The following TMEM135 variants were observed in gnomAD, a reference collection of about 807,000 sequenced individuals.
The protein encoded by TMEM135 is peroxisomal membrane protein 52.
In TMEM135, 30 loss-of-function variants were observed where a neutral mutation model predicts 60.3. That is an observed-to-expected ratio of 0.50 (90% CI 0.37 to 0.68). The LOEUF (loss-of-function observed/expected upper bound fraction) is 0.68. Among genes scored for constraint, TMEM135 ranks in the 30% least tolerant of loss-of-function variants. TMEM135 has a pLI of 0.00. For missense variants in TMEM135, 468 were observed against 548.8 expected (o/e 0.85, Z 1.47); for synonymous variants, 190 against 186.7 (o/e 1.02, Z -0.14).
At chr11:87,168,277 C>T (rs1296793460) in intron 5 of TMEM135, among the ~76,000 whole-genome samples, 10 of 151,850 alleles carry the variant, frequency 6.6e-5, no homozygotes, top group Admixed American at 1.3e-4. Flanking sequence ...ATTGATTTTT[C>T]GAAGGGTTTT....
intron 4 of TMEM135, among the ~76,000 whole-genome samples, chr11:87,114,583 C>A (rs528038464): frequency 6.6e-6 from 1 of 152,274 alleles, no homozygotes; most frequent in East Asian, 1.9e-4. Context: ...CCTGTCATTA[C>A]ACTGATGTTC....
chr11:87,152,476 C>T (rs1455433194), intron 4 of TMEM135, among the ~76,000 whole-genome samples: 2 of 152,092 alleles, frequency 1.3e-5, no homozygotes, highest in Non-Finnish European at 2.9e-5. Context: ...TTTTTTGAGA[C>T]GGATTTTCAC....
chr11:87,300,502 A>G (rs145221054), intron 7 of TMEM135, among the ~76,000 whole-genome samples: 23 of 152,298 alleles, frequency 1.5e-4, no homozygotes, highest in Middle Eastern at 3.4e-3. Flanking sequence ...TGTGGACAAG[A>G]TACTTAACCA....
chr11:87,065,799 G>T (rs1056432212), intron 1 of TMEM135, among the ~76,000 whole-genome samples: 1 of 152,104 alleles, frequency 6.6e-6, no homozygotes, highest in African/African-American at 2.4e-5. Context: ...GTAGTTTTAT[G>T]TTTCACATTT....
intron 3 of TMEM135, among the ~76,000 whole-genome samples, chr11:87,074,218 A>G (rs866238547): frequency 6.6e-6 from 1 of 152,162 alleles, no homozygotes; most frequent in South Asian, 2.1e-4. Flanking sequence ...AGCCTGCCTC[A>G]GCCCCCCAAA....
chr11:87,275,133 C>T (rs1941945148), intron 6 of TMEM135, among the ~76,000 whole-genome samples: 1 of 151,960 alleles, frequency 6.6e-6, no homozygotes, highest in African/African-American at 2.4e-5. Flanking sequence ...GTTACTATGA[C>T]ATTTGGCAAT....
At chr11:87,255,901 T>A (rs746603740) in intron 6 of TMEM135, among the ~76,000 whole-genome samples, 10 of 152,186 alleles carry the variant, frequency 6.6e-5, no homozygotes, top group Non-Finnish European at 1.2e-4. Context: ...TTTGTGTGTA[T>A]CTTCAATGTA....
At chr11:87,320,514 T>C (rs1162050625) in intron 14 of TMEM135, among the ~76,000 whole-genome samples, 3 of 152,192 alleles carry the variant, frequency 2.0e-5, no homozygotes, top group African/African-American at 7.2e-5. Context: ...GATTCAAAAC[T>C]AATTTCATTC....
chr11:87,269,496 T>G, intron 6 of TMEM135, among the ~76,000 whole-genome samples: 1 of 145,152 alleles, frequency 6.9e-6, no homozygotes, highest in African/African-American at 2.5e-5. Flanking sequence ...CCCTCCCCCC[T>G]CCTCCCACCC....
chr11:87,312,195 C>T (rs1942650987), intron 10 of TMEM135, among the ~76,000 whole-genome samples: 2 of 145,314 alleles, frequency 1.4e-5, no homozygotes, highest in Admixed American at 1.4e-4. Flanking sequence ...CTTTTTCAGC[C>T]TTCTGGATTG....
intron 6 of TMEM135, among the ~76,000 whole-genome samples, chr11:87,249,275 A>C (rs935367127): frequency 2.0e-5 from 3 of 152,042 alleles, no homozygotes; most frequent in Non-Finnish European, 4.4e-5. Flanking sequence ...TTTGATACCC[A>C]GGTTTTTGAG....
intron 4 of TMEM135, among the ~76,000 whole-genome samples, chr11:87,134,132 C>T (rs1938019692): frequency 6.6e-6 from 1 of 152,016 alleles, no homozygotes; most frequent in Admixed American, 6.6e-5. Flanking sequence ...AGTTCTAGAT[C>T]TAGAAGTCTG....
intron 7 of TMEM135, among the ~76,000 whole-genome samples, chr11:87,298,603 C>T (rs1393956882): frequency 6.8e-6 from 1 of 147,668 alleles, no homozygotes; most frequent in Non-Finnish European, 1.5e-5. Context: ...GCCTGGCCAA[C>T]ATGGTGAAAC....
chr11:87,188,366 C>A (rs569646748), intron 5 of TMEM135, among the ~76,000 whole-genome samples: 3 of 152,182 alleles, frequency 2.0e-5, no homozygotes, highest in Admixed American at 2.0e-4. Flanking sequence ...CCTCTTTTTA[C>A]CCTTATCTTG....
chr11:87,047,748 G>A (rs1332535895), intron 1 of TMEM135, among the ~76,000 whole-genome samples: 1 of 122,852 alleles, frequency 8.1e-6, no homozygotes, highest in African/African-American at 3.3e-5. Context: ...AGGGGCGCCC[G>A]CCATTGCCCA....
chr11:87,053,528 A>G (rs1348671210), intron 1 of TMEM135, among the ~76,000 whole-genome samples: 2 of 152,150 alleles, frequency 1.3e-5, no homozygotes, highest in Non-Finnish European at 2.9e-5. Flanking sequence ...AGTTGAAGTG[A>G]TGGCTTAACA....
chr11:87,114,291 A>C (rs1441495113), intron 4 of TMEM135, among the ~76,000 whole-genome samples: 1 of 152,182 alleles, frequency 6.6e-6, no homozygotes, highest in Admixed American at 6.5e-5. Flanking sequence ...ACATCTTGCA[A>C]GGCATTCATC....
rs1216903388 is a variant in TMEM135 at position 87,214,028 on chromosome 11, A to G, written c.463-22610A>G. The stretch of plus-strand genomic sequence containing the variant: ...ATGAAAAAGAGTTTTAAATACTTAG[A>G]CTGTTTGATTAAAAATGGATCTTTT... On this transcript the variant is annotated intron_variant, in intron 5 of 14. Coordinates refer to ENST00000305494, the MANE Select transcript of TMEM135 (RefSeq NM_022918.4). Among the ~76,000 whole-genome samples the G allele has an allele frequency of 2.0e-5, 3 of 152,270 alleles. No individual in the cohort carries two copies. The East Asian group carries it at 5.8e-4, about 29-fold the overall frequency.
intron 8 of TMEM135, among the ~76,000 whole-genome samples, chr11:87,304,947 AC>A (rs1233810145): frequency 1.3e-5 from 2 of 152,208 alleles, no homozygotes; most frequent in Non-Finnish European, 2.9e-5. Context: ...ATGCTAAACC[AC>A]TAAAATGAGT....
Sources: gnomAD v4.1 joint callset for allele counts (sites outside exome capture counted in the v4.1 genomes callset) on GRCh38, gnomAD v4.1.1 for gene constraint, MANE v1.5 for transcripts, NCBI Gene and HGNC (gene_info 2026-07-23, HGNC 2026-07-21) for gene names.